Variants in ZNF236 observed in about 807,000 individuals in gnomAD.
ZNF236 encodes regulated by glucose.
A neutral mutation model predicts 191.2 loss-of-function variants in ZNF236; 50 were observed. The observed-to-expected ratio is 0.26, with a 90% confidence interval of 0.21 to 0.33. The LOEUF (loss-of-function observed/expected upper bound fraction) is 0.33. ZNF236 is among the 10% of genes least tolerant of loss of function. The probability of loss-of-function intolerance (pLI) is 1.00; values close to 1 mark genes in which losing one functional copy is unlikely to be tolerated. For missense variants in ZNF236, 1,754 were observed against 2,374.5 expected (o/e 0.74, Z 5.43); for synonymous variants, 907 against 928.8 (o/e 0.98, Z 0.43).
intron 20 of ZNF236, among the ~76,000 whole-genome samples, chr18:76,921,100 G>A (rs1967520386): frequency 6.6e-6 from 1 of 152,222 alleles, no homozygotes; most frequent in Non-Finnish European, 1.5e-5. Context: ...ACAGCAGCAG[G>A]TGCTGCAGGG....
chr18:76,898,076 C>T (rs1977487419), intron 10 of ZNF236: 2 of 152,158 alleles, frequency 1.3e-5, no homozygotes, highest in African/African-American at 4.8e-5. Context: ...CTGAGTGAGC[C>T]TTTCTGAGAA....
chr18:76,851,750 C>T (rs768978600), intron 2 of ZNF236, 25 bp from the exon 3 acceptor site: 42 of 1,589,992 alleles, frequency 2.6e-5, no homozygotes, highest in Non-Finnish European at 3.2e-5. Flanking sequence ...ATTTCAGTGG[C>T]TTCTTCACTT....
chr18:76,853,222 G>A (rs1241617238), intron 3 of ZNF236, among the ~76,000 whole-genome samples: 1 of 152,030 alleles, frequency 6.6e-6, no homozygotes, highest in Non-Finnish European at 1.5e-5. Context: ...GGGATTACAG[G>A]TGCCTGCCAC....
intron 19 of ZNF236, among the ~76,000 whole-genome samples, chr18:76,916,867 G>A (rs960349349): frequency 6.6e-6 from 1 of 152,126 alleles, no homozygotes; most frequent in Non-Finnish European, 1.5e-5. Flanking sequence ...GACTGTCATC[G>A]GAGGTCAGAC....
chr18:76,931,494 C>T (rs111600178), intron 25 of ZNF236, among the ~76,000 whole-genome samples: 1,799 of 152,064 alleles, frequency 0.012, 25 homozygotes, highest in African/African-American at 0.041. Context: ...TACAAAGCAT[C>T]GTATATTTAT....
chr18:76,953,433 C>T (rs1227636256), intron 27 of ZNF236, among the ~76,000 whole-genome samples: 1 of 152,226 alleles, frequency 6.6e-6, no homozygotes, highest in Non-Finnish European at 1.5e-5. Flanking sequence ...GCCCTTCCCA[C>T]AGCCTGTGAG....
chr18:76,944,672 C>T (rs549184860), intron 26 of ZNF236, among the ~76,000 whole-genome samples: 9 of 152,262 alleles, frequency 5.9e-5, no homozygotes, highest in Non-Finnish European at 1.0e-4. Context: ...ATCCCAGCTA[C>T]TTGGGAGTCT....
At position 76,927,392 on chromosome 18, in the gene ZNF236, C is replaced by G. The variant is rs775566201; in HGVS notation, c.4289C>G (p.Thr1430Arg). 6.2e-7 allele frequency: 1 copy of G among 1,614,096 alleles called. No individual in the cohort carries two copies. Among genetic ancestry groups the G allele is most frequent in the East Asian group, 2.2e-5 (1 of 44,900 alleles). ...QNSSLQTSDSTVPASVVIQPI... is the reference protein window; with the variant it reads ...QNSSLQTSDSRVPASVVIQPI... ...AGCTCTCTCCAGACATCGGACAGCA[C>G]GGTCCCTGCCAGTGTTGTCATCCAG... Residue 1430 changes from threonine (T) to arginine (R), a missense_variant, in exon 24 of 31, where the codon ACG becomes AGG. Thr to Arg is a moderately conservative substitution (Grantham distance 71). Around this residue, in one of 5 missense-constraint regions of ZNF236, gnomAD observed 606 missense variants for 761.5 expected, o/e 0.80. Transcript: ENST00000320610. This position sits in a 1 kb window ranked among gnomAD's most constrained non-coding sequence, Gnocchi z 5.4.
chr18:76,927,561 A>C lies in ZNF236; in HGVS notation c.4414+44A>C. The C allele has an allele frequency of 6.3e-7, 1 of 1,581,524 alleles. No individual in the cohort carries two copies. The highest frequency in any genetic ancestry group is 1.7e-4 in the Middle Eastern group (1 of 5,920). On this transcript the variant is annotated intron_variant, in intron 24 of 30. Coordinates refer to ENST00000320610, the MANE Select transcript of ZNF236 (RefSeq NM_001306089.2). This position sits in a 1 kb window ranked among gnomAD's most constrained non-coding sequence, Gnocchi z 5.4. ...TGCTTATTTTGACAGCTGGAGTTTC[A>C]GTTTCTTGCTTGTGATTACATATTT...
chr18:76,828,485 C>G (rs976722201), intron 1 of ZNF236, among the ~76,000 whole-genome samples: 1 of 152,110 alleles, frequency 6.6e-6, no homozygotes, highest in Admixed American at 6.6e-5. Flanking sequence ...TCCTTTGAAG[C>G]GGCAGGAGGC....
chr18:76,916,668 AG>A (rs1967373178), intron 19 of ZNF236, among the ~76,000 whole-genome samples: 2 of 152,340 alleles, frequency 1.3e-5, no homozygotes, highest in South Asian at 4.1e-4. Context: ...ACGTTGCGCC[AG>A]CACACAGATT....
intron 1 of ZNF236, among the ~76,000 whole-genome samples, chr18:76,829,292 C>T (rs1309109076): frequency 6.6e-6 from 1 of 151,340 alleles, no homozygotes; most frequent in African/African-American, 2.4e-5. Flanking sequence ...GTGGCTCTCA[C>T]CCTTGGCAAC....
At chr18:76,899,293 A>G in intron 11 of ZNF236, 71 bp downstream of exon 11, 1 of 1,335,720 alleles carries the variant, frequency 7.5e-7, no homozygotes, top group Non-Finnish European at 1.1e-6. Context: ...TGAATTGTGT[A>G]CACACATTAT....
intron 1 of ZNF236, among the ~76,000 whole-genome samples, chr18:76,832,070 T>C (rs562843657): frequency 7.3e-4 from 111 of 152,330 alleles, no homozygotes; most frequent in Non-Finnish European, 1.3e-3. Context: ...AGAGGCTTTA[T>C]TGTTTTACAT....
At chr18:76,912,756 G>C (rs982715363) in intron 17 of ZNF236, among the ~76,000 whole-genome samples, 1 of 152,194 alleles carries the variant, frequency 6.6e-6, no homozygotes, top group Non-Finnish European at 1.5e-5. Flanking sequence ...CAGCTTTTTA[G>C]ATGTGTCCGT....
At chr18:76,901,048 A>G (rs1309817241) in intron 11 of ZNF236, among the ~76,000 whole-genome samples, 1 of 152,192 alleles carries the variant, frequency 6.6e-6, no homozygotes, top group Non-Finnish European at 1.5e-5. Context: ...CGGAGCTCAG[A>G]TGGTAAAGCT....
chr18:76,910,749 C>T lies in ZNF236; in HGVS notation c.2743C>T (p.Leu915Phe), dbSNP rs373029888. The T allele has an allele frequency of 2.5e-6, 4 of 1,614,060 alleles. No individual in the cohort carries two copies. Among genetic ancestry groups the T allele is most frequent in the African/African-American group, 2.7e-5 (2 of 74,916 alleles). The stretch of plus-strand genomic sequence containing the variant: ...TTCCAGCACACTTGAGTCTCAGGCC[C>T]TCTCCACAAGCTTCCACCAGCAGAG... ...QDSSTLESQA[L>F]STSFHQQSLL... is the part of the protein sequence containing the mutation. The change falls in exon 16 of 31, where the codon CTC (leucine) becomes TTC (phenylalanine). Residue 915 changes from leucine (L) to phenylalanine (F), a missense_variant. Physicochemically the swap from Leu to Phe is conservative, Grantham distance 22. Transcript: ENST00000320610.
chr18:76,871,563 T>A (rs1568205306), intron 4 of ZNF236, 138 bp from the exon 5 acceptor site: 1 of 862,592 alleles, frequency 1.2e-6, no homozygotes, highest in Non-Finnish European at 1.8e-6. Context: ...CACAGACACA[T>A]ACATATATGT....
intron 16 of ZNF236, 23 bp from the exon 17 acceptor site, chr18:76,912,221 T>C: frequency 6.3e-7 from 1 of 1,584,144 alleles, no homozygotes; most frequent in Non-Finnish European, 8.7e-7. Flanking sequence ...AGTAGTTTGC[T>C]TTATACTTCT....
Sources: gnomAD v4.1 joint callset for allele counts (sites outside exome capture counted in the v4.1 genomes callset) on GRCh38, gnomAD v4.1.1 for gene constraint, gnomAD v4.1.1 regional missense constraint, Gnocchi (gnomAD v3.1) non-coding constraint, MANE v1.5 for transcripts, NCBI Gene and HGNC (gene_info 2026-07-23, HGNC 2026-07-21) for gene names.